Variants in SYTL3 observed in about 807,000 individuals in gnomAD.
SYTL3 encodes synaptotagmin-like protein 3.
A neutral mutation model predicts 82.1 loss-of-function variants in SYTL3; 88 were observed. The observed-to-expected ratio is 1.07, with a 90% CI of 0.90 to 1.28. SYTL3 has a LOEUF of 1.28. SYTL3 is among the 50% of genes most tolerant of loss of function. The pLI is 0.00. For missense variants in SYTL3, 831 were observed against 757.6 expected (o/e 1.10, Z -1.14); for synonymous variants, 311 against 289.4 (o/e 1.07, Z -0.76).
chr6:158,760,021 C>G (rs1031081933), intron 14 of SYTL3, among the ~76,000 whole-genome samples: 2 of 152,164 alleles, frequency 1.3e-5, no homozygotes, highest in African/African-American at 4.8e-5. Context: ...CTTCCCAATA[C>G]TCTCCTCCCA....
chr6:158,698,808 C>T (rs1411524601), intron 6 of SYTL3, among the ~76,000 whole-genome samples: 4 of 130,694 alleles, frequency 3.1e-5, no homozygotes, highest in African/African-American at 1.3e-4. Context: ...GACAGATTTC[C>T]TGGGGGTGGG....
intron 6 of SYTL3, among the ~76,000 whole-genome samples, chr6:158,696,324 C>T (rs748697714): frequency 4.6e-5 from 7 of 151,648 alleles, no homozygotes; most frequent in African/African-American, 9.7e-5. Context: ...CTCAGCCTCC[C>T]GAGTAGCTGG....
At chr6:158,761,580 T>C (rs573491605) in intron 15 of SYTL3, among the ~76,000 whole-genome samples, 39 of 152,140 alleles carry the variant, frequency 2.6e-4, no homozygotes, top group Non-Finnish European at 3.1e-4. Context: ...AGTGCTGGGA[T>C]TACAGGCGTG....
At chr6:158,713,131 A>G (rs1170679779) in intron 8 of SYTL3, among the ~76,000 whole-genome samples, 1 of 152,038 alleles carries the variant, frequency 6.6e-6, no homozygotes, top group African/African-American at 2.4e-5. Flanking sequence ...GAAATTTCAA[A>G]TTCTCCAGAG....
chr6:158,752,815 C>T (rs1788559790), intron 13 of SYTL3, among the ~76,000 whole-genome samples: 1 of 152,190 alleles, frequency 6.6e-6, no homozygotes, highest in Non-Finnish European at 1.5e-5. Flanking sequence ...TGTGAGCTGC[C>T]AGCCAGGGGC....
intron 11 of SYTL3, among the ~76,000 whole-genome samples, chr6:158,743,731 C>G (rs1249139027): frequency 6.6e-6 from 1 of 150,612 alleles, no homozygotes; most frequent in Non-Finnish European, 1.5e-5. Flanking sequence ...CAGGCATGAG[C>G]CACTGTGCCC....
At chr6:158,649,575 C>T (rs1161938212), upstream of SYTL3, among the ~76,000 whole-genome samples, 1 of 152,218 alleles carries the variant, frequency 6.6e-6, no homozygotes, top group Non-Finnish European at 1.5e-5. Context: ...ACCTAGTACA[C>T]GCACAGCATT....
chr6:158,754,596 T>C (rs916482434), intron 13 of SYTL3, among the ~76,000 whole-genome samples: 2 of 152,176 alleles, frequency 1.3e-5, no homozygotes, highest in African/African-American at 4.8e-5. Context: ...GGCGGGCACC[T>C]GTAGTCCCAG....
chr6:158,759,511 C>T (rs975159953), intron 14 of SYTL3, among the ~76,000 whole-genome samples: 7 of 152,234 alleles, frequency 4.6e-5, no homozygotes, highest in Admixed American at 4.6e-4. Context: ...CAACCTGCAG[C>T]CCGGGACGGC....
chr6:158,735,833 G>A (rs1250607604), intron 11 of SYTL3, among the ~76,000 whole-genome samples: 1 of 152,142 alleles, frequency 6.6e-6, no homozygotes, highest in Non-Finnish European at 1.5e-5. Flanking sequence ...AGGGTAGCAG[G>A]CGTTCTTACA....
At chr6:158,658,017 C>G (rs1461948205) in intron 2 of SYTL3, among the ~76,000 whole-genome samples, 1 of 152,084 alleles carries the variant, frequency 6.6e-6, no homozygotes, top group Non-Finnish European at 1.5e-5. Context: ...CCCAGCCTCC[C>G]AAGTAGGTGG....
intron 5 of SYTL3, among the ~76,000 whole-genome samples, chr6:158,671,792 A>T (rs185531821): frequency 1.3e-5 from 2 of 151,478 alleles, no homozygotes; most frequent in Admixed American, 1.3e-4. Flanking sequence ...TGAAACCTCT[A>T]TATTTTTATA....
chr6:158,739,580 CTCTG>C (rs1287609646), intron 11 of SYTL3, among the ~76,000 whole-genome samples: 1 of 151,974 alleles, frequency 6.6e-6, no homozygotes, highest in Non-Finnish European at 1.5e-5. Flanking sequence ...ATCTCTCTCT[CTCTG>C]TCTCTTTCTC....
chr6:158,683,661 G>A (rs1778981687), intron 6 of SYTL3, among the ~76,000 whole-genome samples: 1 of 152,174 alleles, frequency 6.6e-6, no homozygotes, highest in Admixed American at 6.5e-5. Context: ...TCCTTATATT[G>A]TAGCATTGTT....
chr6:158,723,089 CT>C (rs745395918), intron 10 of SYTL3, among the ~76,000 whole-genome samples: 2,216 of 89,908 alleles, frequency 0.025, 11 homozygotes, highest in Middle Eastern at 0.051. Flanking sequence ...AACAGCTACT[CT>C]TTTTTTTTTT....
chr6:158,757,085 C>A, intron 13 of SYTL3, 126 bp from the exon 14 acceptor site: 1 of 859,222 alleles, frequency 1.2e-6, no homozygotes, highest in South Asian at 1.7e-5. Context: ...TTGGACTCAG[C>A]CTGTGGGAGG....
chr6:158,757,478 A>G, intron 14 of SYTL3, 97 bp downstream of exon 14: 3 of 1,342,640 alleles, frequency 2.2e-6, no homozygotes, highest in Non-Finnish European at 3.1e-6. Flanking sequence ...ACCTGGCAAG[A>G]CTTGGACCCA....
intron 10 of SYTL3, among the ~76,000 whole-genome samples, chr6:158,722,424 G>A (rs1435643853): frequency 2.6e-5 from 4 of 152,008 alleles, no homozygotes; most frequent in Non-Finnish European, 4.4e-5. Flanking sequence ...AAAATCACGC[G>A]GTGACTCGGG....
rs1449682105 is a variant in SYTL3 at position 158,682,400 on chromosome 6, C to T, written c.330-525C>T. On this transcript the variant is annotated intron_variant, in intron 5 of 17. Coordinates refer to ENST00000611299, the MANE Select transcript of SYTL3 (RefSeq NM_001242394.2). ...TTTGAGACGGAGTCTGGCTCTGCCG[C>T]CCAGGCTGGAGTGCAGTGGCGAAAT... Among the ~76,000 whole-genome samples the T allele has an allele frequency of 2.1e-5, 3 of 143,982 alleles. No homozygotes were observed. The East Asian group carries it at 6.0e-4, about 29-fold the overall frequency. The allele number at this position is 143,982 out of a possible 152,430, so 94.5% of individuals were successfully genotyped here. A position where few individuals can be genotyped will look rare whatever the true frequency, so the allele number is the denominator to read the frequency against.
Sources: allele counts gnomAD v4.1 joint callset (sites outside exome capture counted in the v4.1 genomes callset), GRCh38; gene constraint gnomAD v4.1.1; transcripts MANE v1.5; gene names NCBI Gene and HGNC (gene_info 2026-07-23, HGNC 2026-07-21).